The following ZBTB20 variants were observed in gnomAD, a reference collection of about 807,000 sequenced individuals.
The protein encoded by ZBTB20 is zinc finger and BTB domain-containing protein 20.
A neutral mutation model predicts 56.9 loss-of-function variants in ZBTB20; 9 were observed. The ratio of observed to expected loss-of-function variants is 0.16; its 90% confidence interval spans 0.10 to 0.28. ZBTB20 has a LOEUF of 0.28. ZBTB20 is among the 10% of genes least tolerant of loss of function. The pLI, the probability that ZBTB20 is intolerant of heterozygous loss-of-function variation, is 1.00. For synonymous variants in ZBTB20, 417 were observed against 420.7 expected (o/e 0.99, Z 0.11); for missense variants, 655 against 1,003.0 (o/e 0.65, Z 4.69).
intron 6 of ZBTB20, among the ~76,000 whole-genome samples, chr3:114,528,447 A>C (rs575195575): frequency 6.6e-6 from 1 of 152,260 alleles, no homozygotes; most frequent in East Asian, 1.9e-4. Flanking sequence ...AACAAAAAAA[A>C]ATTTTTCCTA....
chr3:114,801,907 T>C (rs2071748812), intron 4 of ZBTB20, among the ~76,000 whole-genome samples: 1 of 151,888 alleles, frequency 6.6e-6, no homozygotes, highest in South Asian at 2.1e-4. Flanking sequence ...TATGTACTTA[T>C]AATTCCAAAT....
intron 4 of ZBTB20, among the ~76,000 whole-genome samples, chr3:114,895,441 A>G (rs376813265): frequency 2.6e-5 from 4 of 152,142 alleles, no homozygotes; most frequent in East Asian, 3.8e-4. Context: ...TGCAAGACAT[A>G]CCTCCATAAT....
intron 3 of ZBTB20, among the ~76,000 whole-genome samples, chr3:114,922,594 C>G (rs1421544078): frequency 1.3e-5 from 2 of 152,102 alleles, no homozygotes; most frequent in African/African-American, 2.4e-5. Flanking sequence ...TTACCTAAGG[C>G]TGGGTAATTT....
chr3:114,867,092 C>T (rs2075795792), intron 4 of ZBTB20, among the ~76,000 whole-genome samples: 1 of 152,242 alleles, frequency 6.6e-6, no homozygotes, highest in South Asian at 2.1e-4. Flanking sequence ...TGAAAAAGCC[C>T]CCTTCAGTAA....
intron 6 of ZBTB20, among the ~76,000 whole-genome samples, chr3:114,560,779 G>T (rs1040011134): frequency 6.6e-6 from 1 of 152,116 alleles, no homozygotes; most frequent in Non-Finnish European, 1.5e-5. Flanking sequence ...GAAGCTTGGG[G>T]TGGCTGTGGT....
chr3:114,387,858 T>C (rs1195933727), intron 8 of ZBTB20: 1 of 152,254 alleles, frequency 6.6e-6, no homozygotes, highest in Non-Finnish European at 1.5e-5. Flanking sequence ...CTCAGTCCTA[T>C]TAGTACTATA....
chr3:114,986,261 A>T (rs536837475), intron 2 of ZBTB20, among the ~76,000 whole-genome samples: 1 of 152,158 alleles, frequency 6.6e-6, no homozygotes, highest in South Asian at 2.1e-4. Context: ...TGTTCTTGGC[A>T]TTACATTTTG....
At chr3:114,538,833 T>TA (rs1296668787) in intron 6 of ZBTB20, among the ~76,000 whole-genome samples, 3 of 152,144 alleles carry the variant, frequency 2.0e-5, no homozygotes, top group African/African-American at 7.2e-5. Context: ...ATATGTGTAT[T>TA]AAAAAATCTC....
chr3:114,683,507 C>T (rs1215306983), intron 6 of ZBTB20, among the ~76,000 whole-genome samples: 1 of 152,046 alleles, frequency 6.6e-6, no homozygotes, highest in African/African-American at 2.4e-5. Context: ...CAGGCAGTAA[C>T]TTAGAAGGTA....
rs144654935 is a variant in ZBTB20, at chr3:114,815,335, A to G, written c.-416-14161T>C. Among the ~76,000 whole-genome samples, 26 of 152,314 alleles carry G rather than the reference A, an allele frequency of 1.7e-4. No individual in the cohort carries two copies. In the East Asian group the frequency reaches 5.0e-3, roughly 29 times the overall value. ...AATACATGCCCATTGCAAAAACAAA[A>G]TAAAACAGTACACTGAAAATATAGA... On this transcript the variant is annotated intron_variant, in intron 4 of 11. Transcript: ENST00000675478.
At chr3:114,704,210 CTT>C (rs1487096439) in intron 5 of ZBTB20, among the ~76,000 whole-genome samples, 1 of 152,082 alleles carries the variant, frequency 6.6e-6, no homozygotes, top group Non-Finnish European at 1.5e-5. Flanking sequence ...ATTTCTAACT[CTT>C]TTATTACAAA....
chr3:114,441,458 C>G (rs1248818733), intron 7 of ZBTB20, among the ~76,000 whole-genome samples: 1 of 152,112 alleles, frequency 6.6e-6, no homozygotes, highest in Non-Finnish European at 1.5e-5. Flanking sequence ...CTGAAGGAAA[C>G]TGCACTATCA....
intron 1 of ZBTB20, among the ~76,000 whole-genome samples, chr3:115,085,894 A>G (rs1157912772): frequency 6.6e-6 from 1 of 151,926 alleles, no homozygotes; most frequent in Non-Finnish European, 1.5e-5. Context: ...GAGTATTTAA[A>G]TGGCAATTAA....
At chr3:114,680,304 AT>A (rs2061892382) in intron 6 of ZBTB20, among the ~76,000 whole-genome samples, 1 of 152,164 alleles carries the variant, frequency 6.6e-6, no homozygotes, top group Admixed American at 6.5e-5. Context: ...TTTTTAAAAA[AT>A]ATGTGATAAA....
intron 3 of ZBTB20, among the ~76,000 whole-genome samples, chr3:114,936,244 A>G (rs1368607318): frequency 6.6e-6 from 1 of 152,216 alleles, no homozygotes; most frequent in African/African-American, 2.4e-5. Context: ...GCAAACTCAT[A>G]CACACACTGA....
At chr3:114,905,687 C>T (rs2075292684) in intron 3 of ZBTB20, among the ~76,000 whole-genome samples, 1 of 151,936 alleles carries the variant, frequency 6.6e-6, no homozygotes. Context: ...AAGGACTAAT[C>T]TTCCAATCTA....
intron 4 of ZBTB20, among the ~76,000 whole-genome samples, chr3:114,807,903 G>T (rs1407832674): frequency 6.6e-6 from 1 of 152,032 alleles, no homozygotes; most frequent in Non-Finnish European, 1.5e-5. Context: ...TGAATATTTT[G>T]TTGAGTTTTG....
intron 6 of ZBTB20, among the ~76,000 whole-genome samples, chr3:114,571,057 T>C (rs1381877701): frequency 6.6e-6 from 1 of 152,140 alleles, no homozygotes; most frequent in East Asian, 1.9e-4. Flanking sequence ...TTGAACTTTG[T>C]AAAAATGTAA....
At chr3:114,359,970 C>G (rs1283646432) in intron 10 of ZBTB20, among the ~76,000 whole-genome samples, 1 of 152,064 alleles carries the variant, frequency 6.6e-6, no homozygotes, top group African/African-American at 2.4e-5. Context: ...CAGTATAACT[C>G]TCAGGTATGG....
Sources: allele counts gnomAD v4.1 joint callset (sites outside exome capture counted in the v4.1 genomes callset), GRCh38; gene constraint gnomAD v4.1.1; transcripts MANE v1.5; gene names NCBI Gene and HGNC (gene_info 2026-07-23, HGNC 2026-07-21).